ADAM2: variants seen among roughly 807,000 people sequenced by gnomAD.
ADAM2 encodes ADAM metallopeptidase domain 2, also known as disintegrin and metalloproteinase domain-containing protein 2.
In ADAM2, 101 loss-of-function variants were observed where a neutral mutation model predicts 99.3. The observed-to-expected ratio is 1.02, with a 90% CI of 0.87 to 1.20. The LOEUF is 1.20. Ranked by LOEUF, ADAM2 falls within the 50% of genes most tolerant of loss-of-function variation. The pLI is 0.00. For missense variants in ADAM2, 948 were observed against 878.7 expected, an observed-to-expected ratio of 1.08 and a Z score of -1.00; for synonymous variants, 323 against 287.6, an observed-to-expected ratio of 1.12 and a Z score of -1.25.
At chr8:39,761,377 C>A in intron 14 of ADAM2, 96 bp from the exon 15 acceptor site, 2 of 609,510 alleles carry the variant, frequency 3.3e-6, no homozygotes, top group South Asian at 3.5e-5. Context: ...TTAAGATATT[C>A]ATTGTACAAA....
chr8:39,774,199 C>T (rs999230316), intron 11 of ADAM2, among the ~76,000 whole-genome samples: 1 of 151,846 alleles, frequency 6.6e-6, no homozygotes, highest in African/African-American at 2.4e-5. Context: ...TCTGTAAAAC[C>T]TTCAGTTAAT....
intron 10 of ADAM2, among the ~76,000 whole-genome samples, chr8:39,784,520 C>T (rs1803375872): frequency 6.6e-6 from 1 of 152,098 alleles, no homozygotes; most frequent in East Asian, 1.9e-4. Context: ...AGGGGCCTTC[C>T]ACCATGCCTG....
At chr8:39,808,897 C>A (rs1161630509) in intron 7 of ADAM2, among the ~76,000 whole-genome samples, 4 of 152,030 alleles carry the variant, frequency 2.6e-5, no homozygotes, top group African/African-American at 9.7e-5. Flanking sequence ...GCCTGTGGGA[C>A]AGAGTGAGAC....
chr8:39,744,861 T>G lies in ADAM2; in HGVS notation c.2207A>C (p.Ter736SerextTer43). ...QPESESEPKG[*>S] ...ATCATGGCATCTCTGTTGTCCAGAC[T>G]ACCCTTTAGGTTCACTCTCACTTTC... The change falls in exon 20 of 21, where the codon TAG becomes TCG. Residue 736 changes from the stop codon to serine, a stop_lost. Transcript: ENST00000265708. The G allele has an allele frequency of 6.2e-7, 1 of 1,601,908 alleles. No homozygotes were observed. The highest frequency in any genetic ancestry group is 8.5e-7 in the Non-Finnish European group (1 of 1,174,632).
At chr8:39,790,652 T>C (rs1803671693) in intron 7 of ADAM2, among the ~76,000 whole-genome samples, 1 of 151,966 alleles carries the variant, frequency 6.6e-6, no homozygotes, top group African/African-American at 2.4e-5. Flanking sequence ...CTAAAAACCA[T>C]GGAATTTTAC....
At chr8:39,809,262 TTAC>T in intron 7 of ADAM2, 145 bp downstream of exon 7, 3 of 530,742 alleles carry the variant, frequency 5.7e-6, no homozygotes, top group Non-Finnish European at 1.0e-5. Flanking sequence ...GATTCTCAAT[TTAC>T]TACTGATATT....
At chr8:39,824,098 A>G (rs1192245694) in intron 4 of ADAM2, among the ~76,000 whole-genome samples, 1 of 152,166 alleles carries the variant, frequency 6.6e-6, no homozygotes, top group Non-Finnish European at 1.5e-5. Context: ...AGCCTGACCA[A>G]CATGGAGAAA....
rs2129583781 is a variant in ADAM2 at position 39,761,168 on chromosome 8, A to C, written c.1613+8T>G. ...TAGAAGTTCTAAGACAGATTTCTGA[A>C]AACATACTCAGCTTCACACTGTGTG... is the stretch of plus-strand genomic sequence containing the variant. On this transcript the variant is annotated splice_region_variant and intron_variant, in intron 15 of 20. Transcript: ENST00000265708. 2.0e-6 allele frequency: 3 copies of C among 1,516,380 alleles called. No homozygotes were observed. Among genetic ancestry groups the C allele is most frequent in the Middle Eastern group, 3.5e-4 (2 of 5,664 alleles). The allele number at this position is 1,516,380 out of a possible 1,614,324, so 93.9% of individuals were successfully genotyped here.
intron 10 of ADAM2, among the ~76,000 whole-genome samples, chr8:39,783,250 G>T (rs1246631171): frequency 6.6e-6 from 1 of 151,818 alleles, no homozygotes; most frequent in Non-Finnish European, 1.5e-5. Context: ...CATATTATTT[G>T]CTTTGGTAAA....
rs1381745692 is a variant in ADAM2, at chr8:39,767,204, T to C, written c.1260A>G (p.Arg420=). The C allele has an allele frequency of 2.5e-6, 4 of 1,608,868 alleles. No homozygotes were observed. Among genetic ancestry groups the C allele is most frequent in the Non-Finnish European group, 3.4e-6 (4 of 1,178,974 alleles). The part of the protein sequence containing the change: ...GETCCDIATC[R]FKAGSNCAEG... ...CAGCACAGTTTGAACCGGCTTTAAATCTACATGTGGCAATATCACAGCATG... is the reference window on the plus strand; with the variant it reads ...CAGCACAGTTTGAACCGGCTTTAAACCTACATGTGGCAATATCACAGCATG... Residue 420 remains arginine (R), a synonymous_variant, in exon 13 of 21, where the codon AGA becomes AGG. Coordinates refer to ENST00000265708, the MANE Select transcript of ADAM2 (RefSeq NM_001464.5).
chr8:39,782,394 A>G (rs1450187230), intron 10 of ADAM2, among the ~76,000 whole-genome samples: 1 of 152,146 alleles, frequency 6.6e-6, no homozygotes, highest in African/African-American at 2.4e-5. Context: ...ACATATAGTT[A>G]ACATAAATCT....
At chr8:39,797,087 A>G (rs12708197) in intron 7 of ADAM2, among the ~76,000 whole-genome samples, 71,449 of 151,814 alleles carry the variant, frequency 0.47, 17,140 homozygotes, top group South Asian at 0.67. Flanking sequence ...CTTTTGTTGC[A>G]ATTGCTTTTG....
At chr8:39,817,325 G>C (rs1015255924) in intron 6 of ADAM2, among the ~76,000 whole-genome samples, 1 of 152,090 alleles carries the variant, frequency 6.6e-6, no homozygotes, top group African/African-American at 2.4e-5. Context: ...GGTCATGAGA[G>C]GATAGGAAGG....
At chr8:39,833,561 C>G (rs1306465958) in intron 3 of ADAM2, among the ~76,000 whole-genome samples, 1 of 151,912 alleles carries the variant, frequency 6.6e-6, no homozygotes, top group African/African-American at 2.4e-5. Flanking sequence ...AGTATGTAAA[C>G]TAGTTTAAAA....
chr8:39,781,269 G>A lies in ADAM2; in HGVS notation c.892-4108C>T, dbSNP rs144150755. Among the ~76,000 whole-genome samples, 362 of 152,052 alleles carry A rather than the reference G, an allele frequency of 2.4e-3. 1 individual carries two copies. The highest frequency in any genetic ancestry group is 0.011 in the South Asian group (51 of 4,822). On this transcript the variant is annotated intron_variant, in intron 10 of 20. Coordinates refer to ENST00000265708, the MANE Select transcript of ADAM2 (RefSeq NM_001464.5). ...ACACATGTATTGGGGAAGTGCATAC[G>A]TGTGTACTTGTGTGTGTGTGCGCAT... is the stretch of plus-strand genomic sequence containing the variant.
chr8:39,834,053 G>T, intron 2 of ADAM2, 54 bp from the exon 3 acceptor site: 1 of 938,116 alleles, frequency 1.1e-6, no homozygotes. Context: ...ATGTTAGAAG[G>T]GATAACCATC....
At chr8:39,787,986 A>G (rs1803546385) in intron 9 of ADAM2, 99 bp downstream of exon 9, 1 of 791,978 alleles carries the variant, frequency 1.3e-6, no homozygotes, top group Non-Finnish European at 1.8e-6. Flanking sequence ...TGAGAAAAAA[A>G]TAGATTTTTT....
At chr8:39,810,396 A>T (rs1049348639) in intron 6 of ADAM2, among the ~76,000 whole-genome samples, 1 of 152,224 alleles carries the variant, frequency 6.6e-6, no homozygotes, top group East Asian at 1.9e-4. Flanking sequence ...GTTAACAAGG[A>T]TATCCAGGAC....
chr8:39,802,980 T>A (rs1279734158), intron 7 of ADAM2, among the ~76,000 whole-genome samples: 3 of 152,162 alleles, frequency 2.0e-5, no homozygotes, highest in Non-Finnish European at 4.4e-5. Context: ...ATTCTAGTAA[T>A]CTCCGGAGTG....
Sources: allele counts gnomAD v4.1 joint callset (sites outside exome capture counted in the v4.1 genomes callset), GRCh38; gene constraint gnomAD v4.1.1; transcripts MANE v1.5; gene names NCBI Gene and HGNC (gene_info 2026-07-23, HGNC 2026-07-21).